CD109: variants seen among roughly 807,000 people sequenced by gnomAD.
The protein encoded by CD109 is CD109 antigen.
CD109 carries 149 observed loss-of-function variants against 165.8 expected under a neutral mutation model. That is an observed-to-expected ratio of 0.90 (90% CI 0.79 to 1.03). The LOEUF is 1.03. Among genes scored for constraint, CD109 ranks in the 50% least tolerant of loss-of-function variants. The probability of loss-of-function intolerance (pLI) is 0.00; values close to 1 mark genes in which losing one functional copy is unlikely to be tolerated. For missense variants in CD109, 1,712 were observed against 1,677.8 expected, an observed-to-expected ratio of 1.02 and a Z score of -0.36; for synonymous variants, 585 against 592.1, an observed-to-expected ratio of 0.99 and a Z score of 0.18.
rs1010186010 is a variant in CD109 at position 73,824,568 on chromosome 6, C to T, written c.*935C>T. On this transcript the variant is annotated 3_prime_UTR_variant, in exon 33 of 33. Coordinates refer to ENST00000287097, the MANE Select transcript of CD109 (RefSeq NM_133493.5). Reference sequence around the variant, plus strand: ...GAAAGAAGCTGGGTTTGTGGAGAATCAGAGCATCTTGACATGACTGCTGAC... The same window carrying T: ...GAAAGAAGCTGGGTTTGTGGAGAATTAGAGCATCTTGACATGACTGCTGAC... 6.6e-6 allele frequency: 1 copy of T among 152,184 alleles called. No homozygotes were observed. The allele number at this position is 152,184 out of a possible 1,614,324, so 9.4% of individuals were successfully genotyped here.
Position 73,781,308 on chromosome 6 carries a change from T to A in CD109, c.1952T>A (p.Ile651Asn). The A allele has an allele frequency of 6.2e-7, 1 of 1,612,536 alleles. No individual in the cohort carries two copies. The highest frequency in any genetic ancestry group is 1.7e-5 in the Admixed American group (1 of 59,978). The change falls in exon 17 of 33, where the codon ATT (isoleucine) becomes AAT (asparagine). Residue 651 changes from isoleucine (I) to asparagine (N), a missense_variant. Physicochemically the swap from Ile to Asn is moderately radical, Grantham distance 149. Transcript: ENST00000287097. Reference protein sequence around the residue: ...LTDANLTKDYIDGVYDNAEYA... With the variant: ...LTDANLTKDYNDGVYDNAEYA... ...GATGCAAACCTCACGAAGGATTATATTGATGGTGTTTGTAAGTAATACATG... is the reference window on the plus strand; with the variant it reads ...GATGCAAACCTCACGAAGGATTATAATGATGGTGTTTGTAAGTAATACATG...
In CD109 at chr6:73,783,875, A is replaced by G. The variant is rs6917126; in HGVS notation, c.2223+51A>G. The G allele has an allele frequency of 3.4e-3, 3,408 of 1,012,190 alleles. 87 individuals carry two copies. The African/African-American group carries it at 0.051, about 15-fold the overall frequency. 62.7% of individuals were successfully genotyped at this position (1,012,190 alleles called of 1,614,324 possible). On this transcript the variant is annotated intron_variant, in intron 19 of 32. Transcript: ENST00000287097. ...AGTATTACGGTGACATTAAGCTAAT[A>G]CAGCGTCAGCTCCTCAATTTTTTTT...
In CD109 at chr6:73,788,597, C is replaced by A; in HGVS notation, c.2686C>A (p.Gln896Lys). 1 of 1,612,356 alleles carries A rather than the reference C, an allele frequency of 6.2e-7. No individual in the cohort carries two copies. Among genetic ancestry groups the A allele is most frequent in the South Asian group, 1.1e-5 (1 of 90,788 alleles). The change falls in exon 22 of 33, where the codon CAG (glutamine) becomes AAG (lysine). Residue 896 changes from glutamine (Q) to lysine (K), a missense_variant. By Grantham distance (53) the Gln-to-Lys change is moderately conservative. Coordinates refer to ENST00000287097, the MANE Select transcript of CD109 (RefSeq NM_133493.5). Reference protein sequence around the residue: ...PNTVTGSERVQITAIGDVLGP... With the variant: ...PNTVTGSERVKITAIGDVLGP... Reference sequence around the variant, plus strand: ...TACAGTGACTGGCAGTGAAAGAGTTCAGATCACTGCAATTGGTAAGAATAG... The same window carrying A: ...TACAGTGACTGGCAGTGAAAGAGTTAAGATCACTGCAATTGGTAAGAATAG...
At chr6:73,739,816 C>T (rs1772697321) in intron 5 of CD109, among the ~76,000 whole-genome samples, 1 of 152,006 alleles carries the variant, frequency 6.6e-6, no homozygotes, top group Non-Finnish European at 1.5e-5. Context: ...CCACCGCTCT[C>T]CAGCCTGGGC....
At chr6:73,770,245 C>T (rs1283574953) in intron 14 of CD109, among the ~76,000 whole-genome samples, 1 of 152,200 alleles carries the variant, frequency 6.6e-6, no homozygotes, top group African/African-American at 2.4e-5. Flanking sequence ...AAAAGATTTA[C>T]ATCTCAGAGA....
At chr6:73,689,293 A>G in the CD109 span, among the ~76,000 whole-genome samples, 4 of 152,130 alleles carry the variant, frequency 2.6e-5, no homozygotes. Context: ...ACAGGTCACA[A>G]CCTGAGTTTG....
At chr6:73,690,436 T>TC in the CD109 span, among the ~76,000 whole-genome samples, 1 of 152,230 alleles carries the variant, frequency 6.6e-6, no homozygotes, top group Non-Finnish European at 1.5e-5. Context: ...AGTTTCGCTC[T>TC]TGTTGTCCAG....
intron 5 of CD109, among the ~76,000 whole-genome samples, chr6:73,750,704 A>G (rs1270958787): frequency 2.6e-5 from 4 of 152,222 alleles, no homozygotes; most frequent in South Asian, 2.1e-4. Flanking sequence ...GCAGCAATAT[A>G]ATTTCATTTA....
rs537798432 is a variant in CD109, at chr6:73,812,560, A to G, written c.3768+290A>G. Among the ~76,000 whole-genome samples the G allele has an allele frequency of 2.0e-5, 3 of 152,248 alleles. No homozygotes were observed. The East Asian group carries it at 5.8e-4, about 29-fold the overall frequency. On this transcript the variant is annotated intron_variant, in intron 29 of 32. Transcript: ENST00000287097. Reference sequence around the variant, plus strand: ...TCCAATATGATTCCTGATAACAAATACATGTTTTACTTATAATTTCTTAAT... The same window carrying G: ...TCCAATATGATTCCTGATAACAAATGCATGTTTTACTTATAATTTCTTAAT...
chr6:73,786,955 A>G (rs902659731), intron 20 of CD109, among the ~76,000 whole-genome samples: 3 of 152,232 alleles, frequency 2.0e-5, no homozygotes, highest in African/African-American at 7.2e-5. Context: ...TTACCATCTA[A>G]TGGCTTCAGA....
At chr6:73,814,118 G>T (rs1286868453) in intron 29 of CD109, among the ~76,000 whole-genome samples, 1 of 152,044 alleles carries the variant, frequency 6.6e-6, no homozygotes, top group African/African-American at 2.4e-5. Context: ...ATTTTTTTAA[G>T]TATGCAAATC....
intron 3 of CD109, among the ~76,000 whole-genome samples, chr6:73,728,266 G>A (rs9442952): frequency 0.51 from 78,104 of 151,892 alleles, 20,384 homozygotes; most frequent in African/African-American, 0.6. Flanking sequence ...GTTGAGATTG[G>A]GCCACTGCAC....
chr6:73,787,603 G>A (rs1774746687), intron 21 of CD109, 151 bp downstream of exon 21: 2 of 597,224 alleles, frequency 3.3e-6, no homozygotes, highest in South Asian at 4.5e-5. Flanking sequence ...TAATCTGTAT[G>A]TAAAAATAAA....
chr6:73,687,771 A>C, the CD109 span, among the ~76,000 whole-genome samples: 1 of 152,182 alleles, frequency 6.6e-6, no homozygotes. Context: ...AGGGACCTAA[A>C]ATGTGCTTGA....
Position 73,766,968 on chromosome 6 carries a change from GGTGGTTA to G in CD109, c.1460_1466del (p.Val487AlafsTer5), listed in dbSNP as rs746136142. On this transcript the variant is annotated frameshift_variant, in exon 13 of 33. Coordinates refer to ENST00000287097, the MANE Select transcript of CD109 (RefSeq NM_133493.5). LOFTEE classifies it high-confidence loss of function. Reference sequence around the variant, plus strand: ...TCTAGGTGGGATCGCCTTTTGAGTTGGTGGTTAGTGGCAACAAACGATTGAAGGAGTT... The same window carrying G: ...TCTAGGTGGGATCGCCTTTTGAGTTGGTGGCAACAAACGATTGAAGGAGTT... 2 of 1,613,128 alleles carry G rather than the reference GGTGGTTA, an allele frequency of 1.2e-6. No homozygotes were observed. The highest frequency in any genetic ancestry group is 1.7e-6 in the Non-Finnish European group (2 of 1,179,626).
At chr6:73,685,988 T>C in the CD109 span, among the ~76,000 whole-genome samples, 9,642 of 152,350 alleles carry the variant, frequency 0.063, 509 homozygotes, top group Admixed American at 0.17. Context: ...TATGCATTCT[T>C]GTCTTATTCC....
intron 2 of CD109, chr6:73,723,035 T>G: frequency 1.4e-6 from 1 of 723,024 alleles, no homozygotes; most frequent in Non-Finnish European, 1.7e-6. Context: ...GTTTGCCCAC[T>G]GATACCCTTT....
intron 15 of CD109, among the ~76,000 whole-genome samples, chr6:73,773,177 TTA>T (rs765857815): frequency 1.2e-4 from 18 of 150,798 alleles, no homozygotes; most frequent in Non-Finnish European, 2.2e-4. Flanking sequence ...CTATTTACAT[TTA>T]TATATGTGTG....
At chr6:73,751,546 T>C (rs969117379) in intron 5 of CD109, among the ~76,000 whole-genome samples, 8 of 152,190 alleles carry the variant, frequency 5.3e-5, no homozygotes, top group Non-Finnish European at 1.2e-4. Flanking sequence ...TCATGCTTTC[T>C]CTGATCCTGA....
Sources: allele counts gnomAD v4.1 joint callset (sites outside exome capture counted in the v4.1 genomes callset), GRCh38; gene constraint gnomAD v4.1.1; transcripts MANE v1.5; gene names NCBI Gene and HGNC (gene_info 2026-07-23, HGNC 2026-07-21).